TP63: variants seen among roughly 807,000 people sequenced by gnomAD.
TP63 encodes tumor protein p63, also known as tumor protein 63.
TP63 carries 17 observed loss-of-function variants against 82.8 expected under a neutral mutation model. That is an observed-to-expected ratio of 0.21 (90% CI 0.14 to 0.31). The LOEUF (loss-of-function observed/expected upper bound fraction) is 0.31, where lower values mean the gene tolerates loss of function less well. Among genes scored for constraint, TP63 ranks in the 10% least tolerant of loss-of-function variants. The probability of loss-of-function intolerance (pLI) is 1.00; values close to 1 mark genes in which losing one functional copy is unlikely to be tolerated. For synonymous variants in TP63, 330 were observed against 321.7 expected, an observed-to-expected ratio of 1.03 and a Z score of -0.28; for missense variants, 648 against 895.3, an observed-to-expected ratio of 0.72 and a Z score of 3.52.
intron 1 of TP63, among the ~76,000 whole-genome samples, chr3:189,721,411 T>TC (rs1041646699): frequency 5.3e-5 from 8 of 152,004 alleles, no homozygotes; most frequent in Admixed American, 2.6e-4. Flanking sequence ...AGAAAGGGAT[T>TC]CCCCCGTAGT....
At chr3:189,723,254 G>A (rs756236160) in intron 1 of TP63, among the ~76,000 whole-genome samples, 55 of 152,096 alleles carry the variant, frequency 3.6e-4, no homozygotes, top group Non-Finnish European at 6.6e-4. Context: ...TGCATAGCTC[G>A]CCCAAAGTTA....
chr3:189,764,589 G>GTGAT (rs1256928614), intron 3 of TP63, among the ~76,000 whole-genome samples: 1 of 152,188 alleles, frequency 6.6e-6, no homozygotes, highest in Non-Finnish European at 1.5e-5. Context: ...ATTGTCTGCA[G>GTGAT]TGATGTAAGC....
At chr3:189,847,226 C>T (rs1317393367) in intron 4 of TP63, among the ~76,000 whole-genome samples, 5 of 152,102 alleles carry the variant, frequency 3.3e-5, no homozygotes, top group East Asian at 2.0e-4. Context: ...GGTGTGGTGG[C>T]GGGCGCCTGT....
At chr3:189,794,835 A>G (rs149596156) in intron 3 of TP63, among the ~76,000 whole-genome samples, 9 of 152,154 alleles carry the variant, frequency 5.9e-5, no homozygotes, top group African/African-American at 2.2e-4. Context: ...TGCATTGCAC[A>G]TTGGCTGCCT....
the TP63 span, among the ~76,000 whole-genome samples, chr3:189,615,327 T>C: frequency 5.9e-5 from 9 of 152,298 alleles, no homozygotes; most frequent in East Asian, 1.7e-3. Context: ...CCCTCACCTT[T>C]CACATCAGCC....
At chr3:189,829,826 A>C (rs1425768299) in intron 4 of TP63, 1 of 281,452 alleles carries the variant, frequency 3.6e-6, no homozygotes, top group Non-Finnish European at 7.3e-6. Context: ...TTTTTTTCAA[A>C]TATTAGCCCT....
chr3:189,794,777 T>G (rs1725523682), intron 3 of TP63, among the ~76,000 whole-genome samples: 1 of 151,980 alleles, frequency 6.6e-6, no homozygotes, highest in Non-Finnish European at 1.5e-5. Flanking sequence ...ACAGGGAGAA[T>G]AAATGGCTTT....
At chr3:189,710,147 G>A (rs562198875) in intron 1 of TP63, among the ~76,000 whole-genome samples, 86 of 152,240 alleles carry the variant, frequency 5.6e-4, no homozygotes, top group East Asian at 3.1e-3. Flanking sequence ...AGGGAAAGGC[G>A]TGGGGAGAGA....
In TP63 at chr3:189,693,377, C is replaced by T. The variant is rs556651116; in HGVS notation, c.63-44363C>T. Reference sequence around the variant, plus strand: ...GAACAGACACCCAAGAAAATGTTTTCCCCCAAATACACATTAATTAAAACC... The same window carrying T: ...GAACAGACACCCAAGAAAATGTTTTTCCCCAAATACACATTAATTAAAACC... On this transcript the variant is annotated intron_variant, in intron 1 of 13. Transcript: ENST00000264731. Among the ~76,000 whole-genome samples, 27 of 152,244 alleles carry T rather than the reference C, an allele frequency of 1.8e-4. No individual in the cohort carries two copies. In the East Asian group the frequency reaches 2.9e-3, roughly 16 times the overall value.
chr3:189,794,857 A>G (rs1371298105), intron 3 of TP63, among the ~76,000 whole-genome samples: 1 of 152,022 alleles, frequency 6.6e-6, no homozygotes, highest in Admixed American at 6.6e-5. Flanking sequence ...TTTTGCAGAA[A>G]TATCTATCAG....
intron 4 of TP63, among the ~76,000 whole-genome samples, chr3:189,814,092 C>G (rs889747505): frequency 6.6e-6 from 1 of 152,178 alleles, no homozygotes; most frequent in African/African-American, 2.4e-5. Flanking sequence ...AAGCTCACTC[C>G]CTTTGGCTCC....
intron 3 of TP63, among the ~76,000 whole-genome samples, chr3:189,807,813 C>A (rs932531187): frequency 6.6e-6 from 1 of 152,108 alleles, no homozygotes; most frequent in African/African-American, 2.4e-5. Context: ...TGATTTTGCC[C>A]CCTATGCAAC....
intron 4 of TP63, among the ~76,000 whole-genome samples, chr3:189,840,320 G>C (rs74885811): frequency 0.098 from 13,347 of 135,984 alleles, 725 homozygotes; most frequent in East Asian, 0.18. Flanking sequence ...AGTTGTTTTA[G>C]GAGTTAAGGA....
chr3:189,695,563 A>G lies in TP63; in HGVS notation c.63-42177A>G, dbSNP rs186374153. Among the ~76,000 whole-genome samples, 55 of 152,312 alleles carry G rather than the reference A, an allele frequency of 3.6e-4. No homozygotes were observed. In the East Asian group the frequency reaches 0.01, roughly 28 times the overall value. On this transcript the variant is annotated intron_variant, in intron 1 of 13. Transcript: ENST00000264731. ...TGTTGCTTCTAGGCTGTCTCAGCTGACAGAGCAAGGAAATATATGGATATA... is the reference window on the plus strand; with the variant it reads ...TGTTGCTTCTAGGCTGTCTCAGCTGGCAGAGCAAGGAAATATATGGATATA...
intron 3 of TP63, among the ~76,000 whole-genome samples, chr3:189,790,412 C>T (rs1313333809): frequency 6.6e-6 from 1 of 151,880 alleles, no homozygotes. Flanking sequence ...TGTACTTTCA[C>T]GTGTGATGAC....
chr3:189,820,662 A>G (rs1021205772), intron 4 of TP63, among the ~76,000 whole-genome samples: 12 of 152,230 alleles, frequency 7.9e-5, no homozygotes, highest in African/African-American at 2.4e-4. Flanking sequence ...CGCATTTTAC[A>G]TTTGTTAGTT....
At chr3:189,761,717 GTAT>G (rs1722585998) in intron 3 of TP63, among the ~76,000 whole-genome samples, 1 of 152,086 alleles carries the variant, frequency 6.6e-6, no homozygotes, top group Non-Finnish European at 1.5e-5. Flanking sequence ...CTAATTTACT[GTAT>G]TAGTCCATTT....
At chr3:189,824,644 T>C (rs1729148428) in intron 4 of TP63, among the ~76,000 whole-genome samples, 1 of 152,102 alleles carries the variant, frequency 6.6e-6, no homozygotes, top group South Asian at 2.1e-4. Context: ...CCTTTCCTTA[T>C]AATACTTGAT....
chr3:189,604,343 G>A, the TP63 span, among the ~76,000 whole-genome samples: 5 of 152,124 alleles, frequency 3.3e-5, no homozygotes, highest in Non-Finnish European at 7.4e-5. Context: ...CTACTATTTA[G>A]CTCTCATTCA....
Sources: allele counts gnomAD v4.1 joint callset (sites outside exome capture counted in the v4.1 genomes callset), GRCh38; gene constraint gnomAD v4.1.1; transcripts MANE v1.5; gene names NCBI Gene and HGNC (gene_info 2026-07-23, HGNC 2026-07-21).